The following CACNA1C variants were observed in gnomAD, a reference collection of about 807,000 sequenced individuals.
CACNA1C encodes calcium voltage-gated channel subunit alpha1 C.
In CACNA1C, 30 loss-of-function variants were observed where a neutral mutation model predicts 229.0. The observed-to-expected ratio is 0.13, with a 90% CI of 0.10 to 0.18. The LOEUF (loss-of-function observed/expected upper bound fraction) is 0.18. CACNA1C is among the 10% of genes least tolerant of loss of function. CACNA1C has a pLI of 1.00. For missense variants in CACNA1C, 1,658 were observed against 2,845.0 expected, an observed-to-expected ratio of 0.58 and a Z score of 9.49; for synonymous variants, 1,114 against 1,132.5, an observed-to-expected ratio of 0.98 and a Z score of 0.33.
At chr12:2,652,856 C>T (rs1021538695) in intron 32 of CACNA1C, among the ~76,000 whole-genome samples, 11 of 151,474 alleles carry the variant, frequency 7.3e-5, no homozygotes, top group Admixed American at 1.3e-4. Context: ...CTTGGGTGCA[C>T]GCGGAACCCA....
intron 10 of CACNA1C, among the ~76,000 whole-genome samples, chr12:2,555,934 C>T (rs1031470740): frequency 1.1e-4 from 16 of 152,142 alleles, no homozygotes; most frequent in African/African-American, 3.6e-4. Context: ...CTGTTTCCTC[C>T]CCATGCCTCT....
intron 1 of CACNA1C, among the ~76,000 whole-genome samples, chr12:2,039,006 G>A (rs1051918451): frequency 6.6e-6 from 1 of 152,128 alleles, no homozygotes; most frequent in South Asian, 2.1e-4. Context: ...TGCAAGGATT[G>A]CAAATGTTAT....
chr12:2,635,874 GTGTA>G (rs2092554701), intron 30 of CACNA1C, among the ~76,000 whole-genome samples: 2 of 152,256 alleles, frequency 1.3e-5, no homozygotes, highest in African/African-American at 2.4e-5. Flanking sequence ...ATGTGTGTGA[GTGTA>G]TGTGTGTATG....
chr12:2,097,189 A>G (rs1169128340), intron 1 of CACNA1C, among the ~76,000 whole-genome samples: 3 of 152,162 alleles, frequency 2.0e-5, no homozygotes, highest in Admixed American at 1.3e-4. Context: ...TCTGTCACCC[A>G]GGCTGGAGTG....
chr12:2,480,071 T>C (rs1410741248), intron 5 of CACNA1C, among the ~76,000 whole-genome samples: 2 of 152,202 alleles, frequency 1.3e-5, no homozygotes, highest in African/African-American at 4.8e-5. Context: ...GTGTGCTTCC[T>C]GAATTTGTTT....
intron 3 of CACNA1C, among the ~76,000 whole-genome samples, chr12:2,218,953 AGGCATTC>A (rs2060713768): frequency 6.6e-6 from 1 of 152,200 alleles, no homozygotes; most frequent in African/African-American, 2.4e-5. Flanking sequence ...AGTTAAGCCA[AGGCATTC>A]GGCACAGGAA....
chr12:2,201,995 G>T (rs1372250867), intron 3 of CACNA1C, among the ~76,000 whole-genome samples: 2 of 152,140 alleles, frequency 1.3e-5, no homozygotes, highest in East Asian at 3.9e-4. Context: ...TGTCTTCCTG[G>T]CAAGGACTCA....
intron 7 of CACNA1C, among the ~76,000 whole-genome samples, chr12:2,496,503 T>G (rs781583098): frequency 2.0e-5 from 3 of 152,224 alleles, no homozygotes; most frequent in Non-Finnish European, 4.4e-5. Flanking sequence ...GGTTATGGCC[T>G]GAGATAGAAG....
intron 1 of CACNA1C, among the ~76,000 whole-genome samples, chr12:2,099,720 C>G (rs1033183030): frequency 2.6e-5 from 4 of 152,058 alleles, no homozygotes; most frequent in Non-Finnish European, 5.9e-5. Context: ...CACGCCAGTG[C>G]CAGATTCTTG....
intron 3 of CACNA1C, among the ~76,000 whole-genome samples, chr12:2,157,716 G>C (rs1404485330): frequency 1.3e-5 from 2 of 152,132 alleles, no homozygotes; most frequent in Non-Finnish European, 2.9e-5. Flanking sequence ...TCTTAAATAA[G>C]GTCCATCAGT....
chr12:2,605,199 A>G lies in CACNA1C; in HGVS notation c.3048+31A>G, dbSNP rs1281315648. The G allele has an allele frequency of 2.0e-6, 3 of 1,483,216 alleles. No homozygotes were observed. Among genetic ancestry groups the G allele is most frequent in the African/African-American group, 2.8e-5 (2 of 72,328 alleles). 91.9% of individuals were successfully genotyped at this position (1,483,216 alleles called of 1,614,324 possible). On this transcript the variant is annotated intron_variant, in intron 23 of 46. Transcript: ENST00000399655. This position sits in a 1 kb window ranked among gnomAD's most constrained non-coding sequence, Gnocchi z 6.2. The stretch of plus-strand genomic sequence containing the variant: ...TTGAGGGCTTGGGTAGGGAGTCTCC[A>G]GCCAGCCCATTGGGGAGTGGGAGCT...
In CACNA1C at chr12:2,142,280, G is replaced by A. The variant is rs137985141; in HGVS notation, c.477+21850G>A. Among the ~76,000 whole-genome samples the A allele has an allele frequency of 6.9e-3, 1,043 of 151,160 alleles. 44 individuals carry two copies. The highest frequency in any genetic ancestry group is 0.024 in the Middle Eastern group (7 of 294). On this transcript the variant is annotated intron_variant, in intron 3 of 46. Coordinates refer to ENST00000399655, the MANE Select transcript of CACNA1C (RefSeq NM_000719.7). ...GATGGTAGTCCCATAAAACTATCAC[G>A]GAGCCGAAACCTCCCTATCTTTCTG...
At chr12:2,422,202 GA>G (rs1374007409) in intron 3 of CACNA1C, among the ~76,000 whole-genome samples, 1 of 152,142 alleles carries the variant, frequency 6.6e-6, no homozygotes, top group Non-Finnish European at 1.5e-5. Flanking sequence ...AACTACCATA[GA>G]AACAATTATT....
intron 3 of CACNA1C, among the ~76,000 whole-genome samples, chr12:2,445,684 C>T (rs375937672): frequency 1.1e-4 from 17 of 152,206 alleles, no homozygotes; most frequent in South Asian, 1.0e-3. Flanking sequence ...CCACACCCCG[C>T]GACCCATGGC....
chr12:2,515,808 A>T (rs1271104149), intron 9 of CACNA1C, among the ~76,000 whole-genome samples: 1 of 152,214 alleles, frequency 6.6e-6, no homozygotes, highest in Admixed American at 6.5e-5. Flanking sequence ...GAAAGCGTGC[A>T]GTTGGGGACA....
intron 8 of CACNA1C, among the ~76,000 whole-genome samples, chr12:2,506,642 A>G (rs553665758): frequency 6.6e-6 from 1 of 152,368 alleles, no homozygotes; most frequent in East Asian, 1.9e-4. Flanking sequence ...TTCCTCTTAA[A>G]GATGAGGAGC....
intron 29 of CACNA1C, chr12:2,614,832 T>G (rs1836959986): frequency 1.3e-5 from 2 of 152,220 alleles, no homozygotes; most frequent in Admixed American, 1.3e-4. Flanking sequence ...CTTCATTCTT[T>G]CATTGTTTTC....
At chr12:2,144,429 G>T (rs1481805652) in intron 3 of CACNA1C, among the ~76,000 whole-genome samples, 1 of 151,266 alleles carries the variant, frequency 6.6e-6, no homozygotes, top group Non-Finnish European at 1.5e-5. Flanking sequence ...AGGGTGGTCT[G>T]TTTTCATTCA....
Position 2,610,550 on chromosome 12 carries a change from G to A in CACNA1C, c.3568G>A (p.Val1190Met), listed in dbSNP as rs1048241141. ...CELDKNQRQC[V>M]EYALKARPLR... is the part of the protein sequence containing the mutation. ...TCCACCACCCTCCCAGCGACAGTGC[G>A]TGGAATACGCCCTCAAGGCCCGGCC... The change falls in exon 28 of 47, where the codon GTG becomes ATG. Residue 1190 changes from valine (V) to methionine (M), a missense_variant. Physicochemically the swap from Val to Met is conservative, Grantham distance 21 (BLOSUM62 1). Coordinates refer to ENST00000399655, the MANE Select transcript of CACNA1C (RefSeq NM_000719.7). The A allele has an allele frequency of 8.1e-6, 13 of 1,613,428 alleles. No homozygotes were observed. Among genetic ancestry groups the A allele is most frequent in the South Asian group, 1.1e-5 (1 of 91,000 alleles).
Sources: gnomAD v4.1 joint callset for allele counts (sites outside exome capture counted in the v4.1 genomes callset) on GRCh38, gnomAD v4.1.1 for gene constraint, Gnocchi (gnomAD v3.1) non-coding constraint, MANE v1.5 for transcripts, NCBI Gene and HGNC (gene_info 2026-07-23, HGNC 2026-07-21) for gene names.